The following GNA14 variants were observed in gnomAD, a reference collection of about 807,000 sequenced individuals.
GNA14 encodes the protein G protein subunit alpha 14, also known as guanine nucleotide-binding protein subunit alpha-14.
GNA14 carries 50 observed loss-of-function variants against 42.0 expected under a neutral mutation model. The observed-to-expected ratio is 1.19, with a 90% CI of 0.95 to 1.51. The LOEUF (loss-of-function observed/expected upper bound fraction) is 1.51. GNA14 is among the 40% of genes most tolerant of loss of function. GNA14 has a pLI of 0.00. For missense variants in GNA14, 473 were observed against 446.2 expected (o/e 1.06, Z -0.54); for synonymous variants, 173 against 163.1 (o/e 1.06, Z -0.46).
chr9:77,558,916 A>T (rs1008062979), intron 1 of GNA14, among the ~76,000 whole-genome samples: 1 of 131,010 alleles, frequency 7.6e-6, no homozygotes, highest in African/African-American at 3.7e-5. Context: ...AAAAGGTGTT[A>T]AAAAACAAAA....
intron 1 of GNA14, among the ~76,000 whole-genome samples, chr9:77,621,835 T>C (rs538659068): frequency 1.3e-5 from 2 of 152,366 alleles, no homozygotes; most frequent in Non-Finnish European, 2.9e-5. Context: ...ATATTTGTTT[T>C]GAAGGCTGCC....
Position 77,423,731 on chromosome 9 carries a change from A to C in GNA14, c.*248T>G, listed in dbSNP as rs1481450107. The C allele has an allele frequency of 3.7e-6, 1 of 269,000 alleles. No individual in the cohort carries two copies. The highest frequency in any genetic ancestry group is 5.3e-5 in the Admixed American group (1 of 18,862). The allele number at this position is 269,000 out of a possible 1,614,324, so 16.7% of individuals were successfully genotyped here. ...AGAAAACACCAAATTCAAAAATTAC[A>C]CAAAATCTTATAGCCAAAAGTCAAG... On this transcript the variant is annotated 3_prime_UTR_variant, in exon 7 of 7. Coordinates refer to ENST00000341700, the MANE Select transcript of GNA14 (RefSeq NM_004297.4).
chr9:77,590,040 C>A (rs975015164), intron 1 of GNA14, among the ~76,000 whole-genome samples: 1 of 152,062 alleles, frequency 6.6e-6, no homozygotes, highest in South Asian at 2.1e-4. Flanking sequence ...CCTCAGCCTC[C>A]CGAGTAACTG....
intron 1 of GNA14, among the ~76,000 whole-genome samples, chr9:77,555,777 C>T (rs905303950): frequency 6.6e-6 from 1 of 152,076 alleles, no homozygotes; most frequent in Non-Finnish European, 1.5e-5. Context: ...AATGCCTGAA[C>T]AAAATGTGTA....
intron 1 of GNA14, among the ~76,000 whole-genome samples, chr9:77,570,535 T>A (rs1477657983): frequency 6.6e-6 from 1 of 152,188 alleles, no homozygotes; most frequent in African/African-American, 2.4e-5. Flanking sequence ...TCACATAATT[T>A]TTTTAGGTTT....
chr9:77,465,504 G>A (rs911693091), intron 2 of GNA14, among the ~76,000 whole-genome samples: 1 of 151,996 alleles, frequency 6.6e-6, no homozygotes, highest in African/African-American at 2.4e-5. Context: ...ATTTCTTTTG[G>A]GTATACGCCT....
At chr9:77,478,497 T>C (rs1360783801) in intron 2 of GNA14, among the ~76,000 whole-genome samples, 2 of 152,292 alleles carry the variant, frequency 1.3e-5, no homozygotes, top group African/African-American at 4.8e-5. Context: ...TACATGTGCA[T>C]GTGTCTTTAT....
At chr9:77,572,068 G>A (rs982155037) in intron 1 of GNA14, among the ~76,000 whole-genome samples, 20 of 152,232 alleles carry the variant, frequency 1.3e-4, no homozygotes, top group Middle Eastern at 3.4e-3. Flanking sequence ...GATTTGGGGA[G>A]AACTCTGAAC....
chr9:77,480,184 G>A (rs1275450078), intron 2 of GNA14, among the ~76,000 whole-genome samples: 2 of 152,086 alleles, frequency 1.3e-5, no homozygotes, highest in East Asian at 1.9e-4. Flanking sequence ...ATTGGCTGTG[G>A]GTTTGTCATA....
intron 2 of GNA14, among the ~76,000 whole-genome samples, chr9:77,438,270 AT>A (rs36094892): frequency 0.12 from 18,174 of 146,506 alleles, 1,184 homozygotes; most frequent in African/African-American, 0.17. Context: ...ACCTGTTAAG[AT>A]TTTTTTTTTT....
chr9:77,641,014 A>AG (rs1351240152), intron 1 of GNA14, among the ~76,000 whole-genome samples: 3 of 141,772 alleles, frequency 2.1e-5, no homozygotes, highest in African/African-American at 5.2e-5. Context: ...AAAATCATTG[A>AG]GGGAAAAAAA....
intron 1 of GNA14, among the ~76,000 whole-genome samples, chr9:77,609,680 A>G (rs1444012079): frequency 6.6e-6 from 1 of 152,166 alleles, no homozygotes; most frequent in African/African-American, 2.4e-5. Flanking sequence ...CTGGGGAGAA[A>G]ACACATCCTG....
intron 4 of GNA14, among the ~76,000 whole-genome samples, chr9:77,429,752 C>A (rs1368930282): frequency 6.6e-6 from 1 of 152,200 alleles, no homozygotes; most frequent in African/African-American, 2.4e-5. Context: ...TGCAGCCAAG[C>A]TCTGCAGAAC....
chr9:77,561,065 C>G (rs1034727862), intron 1 of GNA14, among the ~76,000 whole-genome samples: 5 of 152,300 alleles, frequency 3.3e-5, no homozygotes, highest in Admixed American at 3.3e-4. Context: ...AGTGTTTTCA[C>G]TACAAACACT....
chr9:77,561,260 T>C (rs1052964308), intron 1 of GNA14, among the ~76,000 whole-genome samples: 6 of 152,196 alleles, frequency 3.9e-5, no homozygotes, highest in Non-Finnish European at 8.8e-5. Context: ...ACACCTGGTT[T>C]TAATCTATCC....
At chr9:77,638,862 G>A (rs1824218401) in intron 1 of GNA14, among the ~76,000 whole-genome samples, 1 of 152,204 alleles carries the variant, frequency 6.6e-6, no homozygotes, top group Non-Finnish European at 1.5e-5. Context: ...CAGAGACAAT[G>A]CTGGCAGATG....
chr9:77,574,986 T>C (rs2131798354), intron 1 of GNA14, among the ~76,000 whole-genome samples: 1 of 152,234 alleles, frequency 6.6e-6, no homozygotes, highest in African/African-American at 2.4e-5. Context: ...GCCAGATGTC[T>C]ACCCTGTAGG....
chr9:77,512,793 AT>A (rs1215515969), intron 2 of GNA14, among the ~76,000 whole-genome samples: 1 of 152,164 alleles, frequency 6.6e-6, no homozygotes, highest in African/African-American at 2.4e-5. Context: ...AAGGCATCCC[AT>A]TTAGACCACT....
At chr9:77,443,688 A>C (rs1010531062) in intron 2 of GNA14, among the ~76,000 whole-genome samples, 14 of 152,290 alleles carry the variant, frequency 9.2e-5, no homozygotes, top group African/African-American at 3.4e-4. Flanking sequence ...TTACCAGTCA[A>C]AACTTCAGTC....
Sources: allele counts gnomAD v4.1 joint callset (sites outside exome capture counted in the v4.1 genomes callset), GRCh38; gene constraint gnomAD v4.1.1; transcripts MANE v1.5; gene names NCBI Gene and HGNC (gene_info 2026-07-23, HGNC 2026-07-21).